ADARB2: variants seen among roughly 807,000 people sequenced by gnomAD.
ADARB2 encodes the protein inactive double-stranded RNA-specific editase B2.
Under a neutral mutation model 62.2 loss-of-function variants are expected in ADARB2, and 25 were observed. That is an observed-to-expected ratio of 0.40 (90% CI 0.29 to 0.56). ADARB2 has a LOEUF of 0.56. ADARB2 is among the 20% of genes least tolerant of loss of function. The probability of loss-of-function intolerance (pLI) is 0.43; values close to 1 mark genes in which losing one functional copy is unlikely to be tolerated. For missense variants in ADARB2, 1,071 were observed against 1,077.4 expected, an observed-to-expected ratio of 0.99 and a Z score of 0.08; for synonymous variants, 572 against 500.8, an observed-to-expected ratio of 1.14 and a Z score of -1.90.
At chr10:1,376,538 C>T (rs1832430925) in intron 2 of ADARB2, among the ~76,000 whole-genome samples, 1 of 152,148 alleles carries the variant, frequency 6.6e-6, no homozygotes, top group Non-Finnish European at 1.5e-5. Flanking sequence ...GAAGGAGAAG[C>T]TCCTACGTGG....
At chr10:1,301,985 T>C (rs1831577492) in intron 3 of ADARB2, among the ~76,000 whole-genome samples, 2 of 152,050 alleles carry the variant, frequency 1.3e-5, no homozygotes, top group African/African-American at 4.8e-5. Context: ...CTGCATGGGT[T>C]TGACAAATGT....
chr10:1,730,894 A>G (rs1835222209), intron 1 of ADARB2, among the ~76,000 whole-genome samples: 1 of 152,196 alleles, frequency 6.6e-6, no homozygotes, highest in Non-Finnish European at 1.5e-5. Flanking sequence ...CCTGCCAGAA[A>G]CTAGATACTA....
At chr10:1,346,335 AC>A (rs1832080856) in intron 3 of ADARB2, among the ~76,000 whole-genome samples, 1 of 152,164 alleles carries the variant, frequency 6.6e-6, no homozygotes, top group South Asian at 2.1e-4. Flanking sequence ...TTCGTCTCTC[AC>A]CAACCGCGAG....
chr10:1,673,497 CA>C (rs1834420503), intron 1 of ADARB2, among the ~76,000 whole-genome samples: 1 of 152,212 alleles, frequency 6.6e-6, no homozygotes, highest in South Asian at 2.1e-4. Flanking sequence ...ATAAATCTTG[CA>C]AAATGATTTC....
chr10:1,649,119 C>A (rs377176319), intron 1 of ADARB2, among the ~76,000 whole-genome samples: 1 of 152,152 alleles, frequency 6.6e-6, no homozygotes, highest in Non-Finnish European at 1.5e-5. Flanking sequence ...GGACCTCAGA[C>A]GCAAACTCAA....
chr10:1,461,747 C>A (rs1243485330), intron 1 of ADARB2, among the ~76,000 whole-genome samples: 2 of 151,986 alleles, frequency 1.3e-5, no homozygotes, highest in Non-Finnish European at 2.9e-5. Context: ...TGCCTGAAAT[C>A]CCAGCACTTT....
chr10:1,621,039 T>C (rs1244230355), intron 1 of ADARB2, among the ~76,000 whole-genome samples: 2 of 152,188 alleles, frequency 1.3e-5, no homozygotes, highest in African/African-American at 4.8e-5. Context: ...TTCCTGTAGA[T>C]CAGGGACAAG....
rs536145500 is a variant in ADARB2 at position 1,196,596 on chromosome 10, A to G, written c.1864+3370T>C. Among the ~76,000 whole-genome samples, 3 of 152,344 alleles carry G rather than the reference A, an allele frequency of 2.0e-5. No individual in the cohort carries two copies. In the East Asian group the frequency reaches 5.8e-4, roughly 29 times the overall value. ...CAAAATATTTTTAAAAGGATTCTCC[A>G]GAAAATGAAAACAAAGTTTTTCAAT... is the stretch of plus-strand genomic sequence containing the variant. On this transcript the variant is annotated intron_variant, in intron 8 of 9. Transcript: ENST00000381312.
chr10:1,437,122 A>C (rs1830842271), intron 1 of ADARB2, among the ~76,000 whole-genome samples: 1 of 152,216 alleles, frequency 6.6e-6, no homozygotes, highest in South Asian at 2.1e-4. Flanking sequence ...AAAATGTACA[A>C]ACTTCACTAA....
chr10:1,673,650 G>T (rs1436409515), intron 1 of ADARB2, among the ~76,000 whole-genome samples: 1 of 152,212 alleles, frequency 6.6e-6, no homozygotes, highest in Non-Finnish European at 1.5e-5. Context: ...GAGCACTACG[G>T]GAACGTCGGA....
At chr10:1,693,036 C>G (rs1834693222) in intron 1 of ADARB2, among the ~76,000 whole-genome samples, 1 of 152,136 alleles carries the variant, frequency 6.6e-6, no homozygotes, top group Admixed American at 6.5e-5. Flanking sequence ...AAGTCTCTTC[C>G]CTCTCCAGAA....
intron 1 of ADARB2, among the ~76,000 whole-genome samples, chr10:1,505,962 G>A (rs1030538217): frequency 6.6e-6 from 1 of 152,136 alleles, no homozygotes. Context: ...ATCAAAATCA[G>A]AGCACACTTT....
At chr10:1,699,405 C>T (rs78283872) in intron 1 of ADARB2, among the ~76,000 whole-genome samples, 1 of 14,688 alleles carries the variant, frequency 6.8e-5, no homozygotes, top group African/African-American at 2.0e-4. Flanking sequence ...CAGGCGCTCG[C>T]CAATACACTC....
chr10:1,410,426 C>T (rs903687320), intron 1 of ADARB2, among the ~76,000 whole-genome samples: 11 of 152,184 alleles, frequency 7.2e-5, no homozygotes, highest in Non-Finnish European at 1.3e-4. Context: ...GGCCAGAGGA[C>T]TTCTCAGGCT....
intron 1 of ADARB2, among the ~76,000 whole-genome samples, chr10:1,679,539 G>T (rs962703265): frequency 1.3e-5 from 2 of 152,126 alleles, no homozygotes; most frequent in Non-Finnish European, 2.9e-5. Context: ...GGTGCCACTT[G>T]GTGCAACTCC....
intron 4 of ADARB2, among the ~76,000 whole-genome samples, chr10:1,260,352 A>G (rs1366670368): frequency 6.6e-6 from 1 of 152,138 alleles, no homozygotes; most frequent in African/African-American, 2.4e-5. Context: ...GGAAAAGAGG[A>G]AGTCAAATTG....
chr10:1,606,387 T>C (rs3849978), intron 1 of ADARB2, among the ~76,000 whole-genome samples: 139,125 of 152,196 alleles, frequency 0.91, 63,654 homozygotes, highest in Non-Finnish European at 0.93. Flanking sequence ...GTGAGGAGTG[T>C]GAAAGAATGC....
intron 1 of ADARB2, among the ~76,000 whole-genome samples, chr10:1,637,473 G>A (rs981589927): frequency 6.6e-6 from 1 of 152,208 alleles, no homozygotes; most frequent in Admixed American, 6.5e-5. Flanking sequence ...AAGATGGCAA[G>A]GGTTTTTGTC....
At chr10:1,615,646 A>G (rs1263388666) in intron 1 of ADARB2, among the ~76,000 whole-genome samples, 1 of 152,228 alleles carries the variant, frequency 6.6e-6, no homozygotes, top group East Asian at 1.9e-4. Flanking sequence ...CACCCCCAGG[A>G]CTTGGGTATG....
Sources: gnomAD v4.1 joint callset for allele counts (sites outside exome capture counted in the v4.1 genomes callset) on GRCh38, gnomAD v4.1.1 for gene constraint, MANE v1.5 for transcripts, NCBI Gene and HGNC (gene_info 2026-07-23, HGNC 2026-07-21) for gene names.